Variants in FBXL5 observed in about 807,000 individuals in gnomAD.
FBXL5 encodes F-box and leucine rich repeat protein 5, also known as F-box/LRR-repeat protein 5.
In FBXL5, 26 loss-of-function variants were observed where a neutral mutation model predicts 78.3. The ratio of observed to expected loss-of-function variants is 0.33; its 90% CI spans 0.24 to 0.46. The LOEUF is 0.46. Among genes scored for constraint, FBXL5 ranks in the 20% least tolerant of loss-of-function variants. FBXL5 has a pLI of 1.00. For missense variants in FBXL5, 710 were observed against 829.2 expected, an observed-to-expected ratio of 0.86 and a Z score of 1.77; for synonymous variants, 295 against 282.5, an observed-to-expected ratio of 1.04 and a Z score of -0.45.
intron 1 of FBXL5, among the ~76,000 whole-genome samples, chr4:15,665,739 G>A (rs981620355): frequency 1.3e-5 from 2 of 152,140 alleles, no homozygotes; most frequent in Non-Finnish European, 2.9e-5. Flanking sequence ...AACTTAGGAT[G>A]AGAATATCTG....
At chr4:15,660,933 C>T (rs138821434), upstream of FBXL5, among the ~76,000 whole-genome samples, 62 of 152,042 alleles carry the variant, frequency 4.1e-4, 1 homozygote, top group African/African-American at 1.4e-3. Context: ...AAAAATTAGC[C>T]GGGCATGGTG....
At chr4:15,642,371 T>G (rs1356509580) in intron 2 of FBXL5, among the ~76,000 whole-genome samples, 1 of 151,908 alleles carries the variant, frequency 6.6e-6, no homozygotes, top group Non-Finnish European at 1.5e-5. Context: ...TAGCTGGGAC[T>G]ACAGGTGCCC....
At chr4:15,638,824 T>C (rs1332718315) in intron 3 of FBXL5, 130 bp from the exon 4 acceptor site, 1 of 582,708 alleles carries the variant, frequency 1.7e-6, no homozygotes, top group Non-Finnish European at 2.9e-6. Flanking sequence ...AAATTTTAGC[T>C]GTCACCACTG....
intron 1 of FBXL5, among the ~76,000 whole-genome samples, chr4:15,674,638 G>T: frequency 6.7e-6 from 1 of 149,336 alleles, no homozygotes; most frequent in Admixed American, 6.6e-5. Context: ...GATTATCAAC[G>T]TTATGGGATT....
At chr4:15,640,602 C>A (rs1247454524) in intron 3 of FBXL5, among the ~76,000 whole-genome samples, 186 bp downstream of exon 3, 1 of 151,736 alleles carries the variant, frequency 6.6e-6, no homozygotes, top group East Asian at 1.9e-4. Context: ...AAGCAACAAC[C>A]TTTCTGAGAA....
At chr4:15,662,368 A>G (rs1406475942), upstream of FBXL5, among the ~76,000 whole-genome samples, 1 of 151,864 alleles carries the variant, frequency 6.6e-6, no homozygotes, top group African/African-American at 2.4e-5. Context: ...CTGAGTTTCT[A>G]GGTCCTCACT....
intron 1 of FBXL5, among the ~76,000 whole-genome samples, chr4:15,670,286 G>A (rs1312765445): frequency 6.6e-6 from 1 of 152,198 alleles, no homozygotes; most frequent in Admixed American, 6.5e-5. Flanking sequence ...CCTAGGAGTA[G>A]AAAGGCTAGA....
rs761499087 is a variant in FBXL5, at chr4:15,640,772, G to T, written c.396+16C>A. The T allele has an allele frequency of 1.8e-5, 25 of 1,395,428 alleles. No homozygotes were observed. Among genetic ancestry groups the T allele is most frequent in the Non-Finnish European group, 2.2e-5 (23 of 1,028,202 alleles). 86.4% of individuals were successfully genotyped at this position (1,395,428 alleles called of 1,614,324 possible). On this transcript the variant is annotated intron_variant, in intron 3 of 10. Transcript: ENST00000341285. ...AATGTTATAAATCTAAATCACGAAAGAAAAATTATGCTTACCTCCTCTTCC... is the reference window on the plus strand; with the variant it reads ...AATGTTATAAATCTAAATCACGAAATAAAAATTATGCTTACCTCCTCTTCC...
At chr4:15,652,379 T>C (rs757591712) in intron 1 of FBXL5, among the ~76,000 whole-genome samples, 6 of 152,210 alleles carry the variant, frequency 3.9e-5, no homozygotes, top group Non-Finnish European at 7.3e-5. Flanking sequence ...AACCTTGGCC[T>C]AGCTAATCTA....
intron 1 of FBXL5, among the ~76,000 whole-genome samples, chr4:15,652,497 A>T (rs1716212635): frequency 1.3e-5 from 2 of 152,212 alleles, no homozygotes; most frequent in South Asian, 4.1e-4. Flanking sequence ...AACTTTTTAC[A>T]GATGTAAAAA....
chr4:15,655,951 G>A (rs1167474154), upstream of FBXL5, among the ~76,000 whole-genome samples: 2 of 152,230 alleles, frequency 1.3e-5, no homozygotes, highest in Non-Finnish European at 2.9e-5. Context: ...CCGGGCGGCA[G>A]CCCACAGCGG....
At chr4:15,626,352 T>C (rs534889028) in intron 8 of FBXL5, among the ~76,000 whole-genome samples, 1 of 152,308 alleles carries the variant, frequency 6.6e-6, no homozygotes, top group Admixed American at 6.5e-5. Flanking sequence ...AGATGGAGCA[T>C]TAGCTTTAGC....
intron 9 of FBXL5, among the ~76,000 whole-genome samples, chr4:15,623,826 G>GT (rs548846356): frequency 2.7e-3 from 396 of 147,108 alleles, no homozygotes; most frequent in Middle Eastern, 0.011. Flanking sequence ...TTTTACAATA[G>GT]TTTTTTTTTT....
intron 10 of FBXL5, among the ~76,000 whole-genome samples, chr4:15,607,164 T>G (rs539040654): frequency 6.6e-6 from 1 of 152,168 alleles, no homozygotes; most frequent in South Asian, 2.1e-4. Flanking sequence ...ATTAGCTTAA[T>G]GGCGGAGTAG....
chr4:15,610,949 C>T (rs1004047140), intron 10 of FBXL5, among the ~76,000 whole-genome samples: 1 of 152,078 alleles, frequency 6.6e-6, no homozygotes, highest in African/African-American at 2.4e-5. Context: ...GTTAACAAAA[C>T]TCCGTTCTCA....
chr4:15,663,848 C>T (rs949970314), upstream of FBXL5, among the ~76,000 whole-genome samples: 1 of 152,190 alleles, frequency 6.6e-6, no homozygotes, highest in Admixed American at 6.5e-5. Context: ...GTATTCTCAT[C>T]TCATTTTCAT....
upstream of FBXL5, among the ~76,000 whole-genome samples, chr4:15,658,963 T>C (rs1456204019): frequency 6.6e-6 from 1 of 152,218 alleles, no homozygotes. Context: ...TAAATCCTGA[T>C]TACTGTTCTT....
chr4:15,628,155 C>A (rs1560221534), intron 6 of FBXL5, 122 bp from the exon 7 acceptor site: 19 of 949,076 alleles, frequency 2.0e-5, no homozygotes, highest in Middle Eastern at 3.2e-4. Context: ...CTTATGTAAA[C>A]CATCCCATTT....
Position 15,655,353 on chromosome 4 carries a change from G to C in FBXL5, c.-66C>G, listed in dbSNP as rs1223290921. On this transcript the variant is annotated 5_prime_UTR_variant, in exon 1 of 11. Transcript: ENST00000341285. ...GCCTCTCCATAGACACCCTCGCCGC[G>C]GGGCAGAGGCGGCGCGCCCCCTTGC... 1.7e-5 allele frequency: 21 copies of C among 1,211,440 alleles called. No individual in the cohort carries two copies. Among genetic ancestry groups the C allele is most frequent in the Middle Eastern group, 3.1e-4 (1 of 3,274 alleles). The allele number at this position is 1,211,440 out of a possible 1,614,324, so 75.0% of individuals were successfully genotyped here. A position where few individuals can be genotyped will look rare whatever the true frequency, so the allele number is the denominator to read the frequency against.
Sources: allele counts gnomAD v4.1 joint callset (sites outside exome capture counted in the v4.1 genomes callset), GRCh38; gene constraint gnomAD v4.1.1; transcripts MANE v1.5; gene names NCBI Gene and HGNC (gene_info 2026-07-23, HGNC 2026-07-21).